The following RAD51B variants were observed in gnomAD, a reference collection of about 807,000 sequenced individuals.
RAD51B encodes the protein RAD51 paralog B.
A neutral mutation model predicts 42.2 loss-of-function variants in RAD51B; 38 were observed. That is an observed-to-expected ratio of 0.90 (90% CI 0.70 to 1.18). The LOEUF (loss-of-function observed/expected upper bound fraction) is 1.18, where lower values mean the gene tolerates loss of function less well. RAD51B is among the 50% of genes most tolerant of loss of function. The pLI, the probability that RAD51B is intolerant of heterozygous loss-of-function variation, is 0.00. For synonymous variants in RAD51B, 154 were observed against 145.2 expected, an observed-to-expected ratio of 1.06 and a Z score of -0.43; for missense variants, 373 against 400.7, an observed-to-expected ratio of 0.93 and a Z score of 0.59.
chr14:68,634,382 T>A (rs1248647273), intron 10 of RAD51B, among the ~76,000 whole-genome samples: 1 of 152,148 alleles, frequency 6.6e-6, no homozygotes. Flanking sequence ...AGTCTCCAGT[T>A]GTGGGTCAGA....
intron 7 of RAD51B, among the ~76,000 whole-genome samples, chr14:67,989,786 G>A (rs980255460): frequency 4.6e-5 from 7 of 152,030 alleles, no homozygotes; most frequent in African/African-American, 1.7e-4. Context: ...CAGTACCTTA[G>A]CCTTGAGGGT....
Position 68,162,766 on chromosome 14 carries a change from C to G in RAD51B, c.757-129118C>G, listed in dbSNP as rs558055120. ...TGCCACTGCACTCCAGCCTGGATGACAGAGCGAGAATCCGTCTCAAAAAAC... is the reference window on the plus strand; with the variant it reads ...TGCCACTGCACTCCAGCCTGGATGAGAGAGCGAGAATCCGTCTCAAAAAAC... On this transcript the variant is annotated intron_variant, in intron 7 of 10. Transcript: ENST00000471583. Among the ~76,000 whole-genome samples the G allele has an allele frequency of 6.6e-5, 10 of 152,298 alleles. No individual in the cohort carries two copies. The East Asian group carries it at 1.7e-3, about 26-fold the overall frequency.
chr14:68,421,786 T>C, intron 9 of RAD51B: 1 of 1,598,682 alleles, frequency 6.3e-7, no homozygotes, highest in Non-Finnish European at 8.5e-7. Flanking sequence ...TCCACAATAT[T>C]CGTGCCTTCT....
intron 10 of RAD51B, among the ~76,000 whole-genome samples, chr14:68,576,448 C>G (rs1052124154): frequency 3.9e-5 from 6 of 152,162 alleles, no homozygotes; most frequent in African/African-American, 1.4e-4. Flanking sequence ...GAAGTAAAGC[C>G]CCCACTAGAA....
intron 7 of RAD51B, among the ~76,000 whole-genome samples, chr14:67,888,636 G>A (rs1175767872): frequency 6.6e-6 from 1 of 152,070 alleles, no homozygotes; most frequent in East Asian, 1.9e-4. Flanking sequence ...AAGGATAGTT[G>A]TCTTTGTACT....
downstream of RAD51B, among the ~76,000 whole-genome samples, chr14:68,597,887 G>A (rs1057066431): frequency 2.6e-5 from 4 of 151,560 alleles, no homozygotes; most frequent in African/African-American, 7.3e-5. Flanking sequence ...AAGAAGGTGA[G>A]ATATTTACTT....
intron 9 of RAD51B, among the ~76,000 whole-genome samples, chr14:68,461,058 A>G (rs1250865350): frequency 2.0e-5 from 3 of 152,122 alleles, no homozygotes; most frequent in African/African-American, 7.2e-5. Flanking sequence ...TGGGTCAAAT[A>G]GATTATGTTA....
chr14:67,829,429 A>G (rs1008658739), intron 3 of RAD51B, among the ~76,000 whole-genome samples: 1 of 152,034 alleles, frequency 6.6e-6, no homozygotes, highest in African/African-American at 2.4e-5. Context: ...TTTTTAGTAG[A>G]GACGGGGTTT....
chr14:68,378,749 A>G (rs1046806186), intron 8 of RAD51B, among the ~76,000 whole-genome samples: 4 of 151,776 alleles, frequency 2.6e-5, no homozygotes, highest in African/African-American at 9.7e-5. Context: ...AACCCTAGAT[A>G]TGGAGGGCTG....
At chr14:68,312,880 A>G (rs557218591) in intron 8 of RAD51B, among the ~76,000 whole-genome samples, 9 of 152,308 alleles carry the variant, frequency 5.9e-5, no homozygotes, top group African/African-American at 2.2e-4. Flanking sequence ...TAAGCTTGGG[A>G]AAGAATTAAG....
At chr14:68,061,732 C>T (rs905925637) in intron 7 of RAD51B, among the ~76,000 whole-genome samples, 34 of 152,106 alleles carry the variant, frequency 2.2e-4, no homozygotes, top group East Asian at 1.9e-4. Flanking sequence ...TCCTGAGTTT[C>T]GTATGTTGAT....
rs1042009398 is a variant in RAD51B at position 67,825,503 on chromosome 14, A to C, written c.124A>C (p.Thr42Pro). ...TTCCCCACTGGAGCTTATGAAGGTG[A>C]CTGGTCTGAGTTATCGAGGTGTCCA... ...CLSPLELMKVTGLSYRGVHEL... is the reference protein window; with the variant it reads ...CLSPLELMKVPGLSYRGVHEL... Residue 42 changes from threonine (T) to proline (P), a missense_variant, in exon 3 of 11, where the codon ACT becomes CCT. Physicochemically the swap from Thr to Pro is conservative, Grantham distance 38. Transcript: ENST00000471583. The C allele has an allele frequency of 6.2e-7, 1 of 1,613,622 alleles. No individual in the cohort carries two copies. The highest frequency in any genetic ancestry group is 1.3e-5 in the African/African-American group (1 of 74,894).
intron 7 of RAD51B, among the ~76,000 whole-genome samples, chr14:68,261,363 T>A (rs1797165663): frequency 6.6e-6 from 1 of 152,258 alleles, no homozygotes; most frequent in Admixed American, 6.5e-5. Context: ...CGGAGCTGTC[T>A]GTCTTTTCAT....
intron 7 of RAD51B, among the ~76,000 whole-genome samples, chr14:68,206,310 G>A (rs887605754): frequency 8.5e-5 from 13 of 152,100 alleles, no homozygotes; most frequent in Non-Finnish European, 1.6e-4. Context: ...TTTTTCCTTT[G>A]TGTAGGTACT....
chr14:68,097,803 T>C (rs978291477), intron 7 of RAD51B, among the ~76,000 whole-genome samples: 2 of 152,236 alleles, frequency 1.3e-5, no homozygotes, highest in South Asian at 4.1e-4. Flanking sequence ...ATTCTTAAAA[T>C]GATATACAAA....
At chr14:68,168,555 T>A (rs1165470984) in intron 7 of RAD51B, among the ~76,000 whole-genome samples, 1 of 152,126 alleles carries the variant, frequency 6.6e-6, no homozygotes, top group Non-Finnish European at 1.5e-5. Context: ...AATCATATCA[T>A]CTAAATATCA....
At chr14:67,945,490 TG>T (rs1275027352) in intron 7 of RAD51B, among the ~76,000 whole-genome samples, 6 of 152,182 alleles carry the variant, frequency 3.9e-5, no homozygotes, top group Admixed American at 2.6e-4. Flanking sequence ...AGTTGTTTTT[TG>T]TTTGTTTGTT....
At chr14:68,016,919 AAAAG>A (rs1195077090) in intron 7 of RAD51B, among the ~76,000 whole-genome samples, 3 of 152,204 alleles carry the variant, frequency 2.0e-5, no homozygotes, top group Non-Finnish European at 4.4e-5. Flanking sequence ...AGTTAAATGA[AAAAG>A]AAAAAAGAAA....
intron 10 of RAD51B, among the ~76,000 whole-genome samples, chr14:68,490,859 G>T (rs1381350979): frequency 6.6e-6 from 1 of 152,138 alleles, no homozygotes; most frequent in South Asian, 2.1e-4. Context: ...CCTTGGAGAG[G>T]CCAAGGGGAG....
Sources: allele counts gnomAD v4.1 joint callset (sites outside exome capture counted in the v4.1 genomes callset), GRCh38; gene constraint gnomAD v4.1.1; transcripts MANE v1.5; gene names NCBI Gene and HGNC (gene_info 2026-07-23, HGNC 2026-07-21).